Variants in GALNT9 observed in about 807,000 individuals in gnomAD.
GALNT9 encodes the protein polypeptide N-acetylgalactosaminyltransferase 9.
GALNT9 carries 47 observed loss-of-function variants against 63.1 expected under a neutral mutation model. The observed-to-expected ratio is 0.75, with a 90% CI of 0.59 to 0.95. GALNT9 has a LOEUF of 0.95. GALNT9 is among the 40% of genes least tolerant of loss of function. GALNT9 has a pLI of 0.00. For missense variants in GALNT9, 829 were observed against 874.8 expected, an observed-to-expected ratio of 0.95 and a Z score of 0.66; for synonymous variants, 396 against 365.7, an observed-to-expected ratio of 1.08 and a Z score of -0.94.
intron 6 of GALNT9, among the ~76,000 whole-genome samples, chr12:132,222,851 CA>C: frequency 6.7e-6 from 1 of 148,440 alleles, no homozygotes; most frequent in East Asian, 2.0e-4. Context: ...CCGCACACCA[CA>C]CACACAGACA....
At chr12:132,267,614 C>T (rs950059815) in intron 2 of GALNT9, among the ~76,000 whole-genome samples, 27 of 152,218 alleles carry the variant, frequency 1.8e-4, no homozygotes, top group African/African-American at 6.5e-4. Flanking sequence ...CAAGTTAAGA[C>T]TGATTTTAGT....
At chr12:132,271,202 C>T (rs1284329734) in intron 2 of GALNT9, among the ~76,000 whole-genome samples, 1 of 151,984 alleles carries the variant, frequency 6.6e-6, no homozygotes, top group African/African-American at 2.4e-5. Context: ...CGTGAACAGC[C>T]TGTGTGTGTC....
At chr12:132,208,227 C>T (rs1367890257) in intron 6 of GALNT9, among the ~76,000 whole-genome samples, 1 of 149,984 alleles carries the variant, frequency 6.7e-6, no homozygotes, top group African/African-American at 2.4e-5. Flanking sequence ...AGGCAAAATC[C>T]TCCCACAGGA....
chr12:132,269,868 C>A (rs782137354), intron 2 of GALNT9, among the ~76,000 whole-genome samples: 1 of 152,166 alleles, frequency 6.6e-6, no homozygotes. Flanking sequence ...GGGAGATGGG[C>A]GCACGGGATC....
At chr12:132,284,150 T>TGAAC (rs1566012558) in intron 2 of GALNT9, 2 of 140,554 alleles carry the variant, frequency 1.4e-5, no homozygotes, top group African/African-American at 5.5e-5. Context: ...CCCACGCACA[T>TGAAC]GCACGCACAC....
intron 2 of GALNT9, among the ~76,000 whole-genome samples, chr12:132,264,546 C>T (rs1879527345): frequency 6.6e-6 from 1 of 152,246 alleles, no homozygotes; most frequent in South Asian, 2.1e-4. Flanking sequence ...GAAGGCCTGT[C>T]CGCATGGCCG....
At chr12:132,293,986 G>A (rs782111371) in intron 1 of GALNT9, among the ~76,000 whole-genome samples, 9 of 152,266 alleles carry the variant, frequency 5.9e-5, no homozygotes, top group South Asian at 2.1e-4. Flanking sequence ...TTGCCCCTCC[G>A]AGCCTATCTG....
intron 8 of GALNT9, 65 bp from the exon 9 acceptor site, chr12:132,199,334 C>A (rs781385391): frequency 1.2e-5 from 14 of 1,162,134 alleles, no homozygotes; most frequent in Admixed American, 1.7e-5. Flanking sequence ...GGGAGCTTCA[C>A]GCAGCCAGCT....
chr12:132,270,757 C>G (rs1444701631), intron 2 of GALNT9, among the ~76,000 whole-genome samples: 3 of 152,176 alleles, frequency 2.0e-5, no homozygotes, highest in Non-Finnish European at 4.4e-5. Flanking sequence ...CAAGGGATGC[C>G]AGGAAATGTG....
intron 1 of GALNT9, among the ~76,000 whole-genome samples, chr12:132,293,769 C>T (rs1172199004): frequency 6.9e-6 from 1 of 144,802 alleles, no homozygotes; most frequent in East Asian, 1.9e-4. Flanking sequence ...AGCCCGTAAA[C>T]AGTCAGGGGC....
Position 132,319,034 on chromosome 12 carries a change from G to A in GALNT9, c.238+9932C>T, listed in dbSNP as rs1444876591. 6.6e-6 allele frequency among the ~76,000 whole-genome samples: 1 copy of A among 152,232 alleles called. No homozygotes were observed. The highest frequency in any genetic ancestry group is 1.5e-5 in the Non-Finnish European group (1 of 68,044). ...ACTTCGGCAGCGACTCTCTGGGAGG[G>A]AGGAGCAGAGACAGACCTGGGTGTC... On this transcript the variant is annotated intron_variant, in intron 1 of 10. Coordinates refer to ENST00000328957, the MANE Select transcript of GALNT9 (RefSeq NM_001122636.2). This position sits in a 1 kb window ranked among gnomAD's most constrained non-coding sequence, Gnocchi z 5.2.
intron 9 of GALNT9, among the ~76,000 whole-genome samples, chr12:132,198,434 G>A (rs990134142): frequency 1.1e-3 from 50 of 46,382 alleles, no homozygotes; most frequent in African/African-American, 5.0e-3. Flanking sequence ...CTGCGGGGCT[G>A]GGGCTGGGGC....
chr12:132,264,311 A>G (rs907961545), intron 2 of GALNT9, among the ~76,000 whole-genome samples: 3 of 152,244 alleles, frequency 2.0e-5, no homozygotes, highest in Admixed American at 6.5e-5. Context: ...CGATCAGGGC[A>G]ACAGAACCTT....
intron 6 of GALNT9, among the ~76,000 whole-genome samples, chr12:132,207,354 C>T (rs898539856): frequency 7.9e-5 from 12 of 152,214 alleles, no homozygotes; most frequent in South Asian, 4.1e-4. Flanking sequence ...AGCTGCGGAA[C>T]GAATGTGTTC....
intron 1 of GALNT9, among the ~76,000 whole-genome samples, chr12:132,291,623 C>T (rs146129610): frequency 2.0e-5 from 2 of 99,358 alleles, no homozygotes; most frequent in Admixed American, 9.2e-5. Context: ...ACAGCACCCA[C>T]GTCCACACCA....
Position 132,322,516 on chromosome 12 carries a change from C to T in GALNT9, c.238+6450G>A, listed in dbSNP as rs576927545. On this transcript the variant is annotated intron_variant, in intron 1 of 10. Coordinates refer to ENST00000328957, the MANE Select transcript of GALNT9 (RefSeq NM_001122636.2). ...GCACCCAGCATCCCCGTCCGTGACT[C>T]AGTTGCCCCACAGAAGGCTCCGGGA... Among the ~76,000 whole-genome samples the T allele has an allele frequency of 5.2e-5, 8 of 152,388 alleles. No homozygotes were observed. In the East Asian group the frequency reaches 1.5e-3, roughly 29 times the overall value.
chr12:132,261,461 G>T (rs1221014927), intron 3 of GALNT9, among the ~76,000 whole-genome samples: 1 of 152,218 alleles, frequency 6.6e-6, no homozygotes, highest in African/African-American at 2.4e-5. Context: ...ACACACAAAC[G>T]TGGCCTTCCA....
intron 2 of GALNT9, among the ~76,000 whole-genome samples, chr12:132,266,131 C>T (rs28658544): frequency 6.7e-6 from 1 of 149,512 alleles, no homozygotes; most frequent in African/African-American, 2.6e-5. Context: ...CAGCCAACCG[C>T]GGGCCTGTCT....
At chr12:132,247,308 T>C (rs1469110832) in intron 6 of GALNT9, 2 of 338,882 alleles carry the variant, frequency 5.9e-6, no homozygotes, top group African/African-American at 4.3e-5. Context: ...CTGGGGGCAA[T>C]TCATAAACAG....
Sources: allele counts gnomAD v4.1 joint callset (sites outside exome capture counted in the v4.1 genomes callset), GRCh38; gene constraint gnomAD v4.1.1; non-coding constraint Gnocchi (gnomAD v3.1); transcripts MANE v1.5; gene names NCBI Gene and HGNC (gene_info 2026-07-23, HGNC 2026-07-21).